SEMA6D: variants seen among roughly 807,000 people sequenced by gnomAD.
The protein encoded by SEMA6D is semaphorin 6D, also known as semaphorin-6D.
SEMA6D carries 35 observed loss-of-function variants against 106.6 expected under a neutral mutation model. The observed-to-expected ratio is 0.33, with a 90% CI of 0.25 to 0.44. The LOEUF (loss-of-function observed/expected upper bound fraction) is 0.44, where lower values mean the gene tolerates loss of function less well. Among genes scored for constraint, SEMA6D ranks in the 20% least tolerant of loss-of-function variants. The pLI is 1.00. For synonymous variants in SEMA6D, 499 were observed against 487.7 expected, an observed-to-expected ratio of 1.02 and a Z score of -0.31; for missense variants, 1,185 against 1,345.9, an observed-to-expected ratio of 0.88 and a Z score of 1.87.
At chr15:47,197,833 C>CT (rs1376679508) in intron 1 of SEMA6D, among the ~76,000 whole-genome samples, 1 of 152,108 alleles carries the variant, frequency 6.6e-6, no homozygotes, top group Non-Finnish European at 1.5e-5. Flanking sequence ...ATGGAGTACT[C>CT]TAAGTATTAT....
At chr15:47,675,793 A>AT (rs2078232170) in intron 4 of SEMA6D, among the ~76,000 whole-genome samples, 1 of 152,050 alleles carries the variant, frequency 6.6e-6, no homozygotes, top group South Asian at 2.1e-4. Flanking sequence ...TTCTGGGCTT[A>AT]TTTGCCCTCA....
intron 3 of SEMA6D, among the ~76,000 whole-genome samples, chr15:47,570,284 G>T (rs144812850): frequency 1.3e-5 from 2 of 152,252 alleles, no homozygotes; most frequent in African/African-American, 4.8e-5. Context: ...CATAAAGGCT[G>T]GTTCCAGGCT....
At chr15:47,433,721 T>C (rs2041612194) in intron 2 of SEMA6D, among the ~76,000 whole-genome samples, 1 of 152,164 alleles carries the variant, frequency 6.6e-6, no homozygotes, top group Admixed American at 6.6e-5. Context: ...GGGAGATACC[T>C]GATTTATAGA....
rs117138137 is a variant in SEMA6D, at chr15:47,564,675, C to T, written c.-86-36190C>T. On this transcript the variant is annotated intron_variant, in intron 3 of 19. Transcript: ENST00000558014. ...CAGAGGAATTCTAGGGAGAAAAGGG[C>T]GGGATCCCTGGTGAAACCCTTAAGC... Among the ~76,000 whole-genome samples, 49 of 152,210 alleles carry T rather than the reference C, an allele frequency of 3.2e-4. No homozygotes were observed. In the East Asian group the frequency reaches 8.1e-3, roughly 25 times the overall value.
At chr15:47,349,357 T>C (rs1256771265) in intron 1 of SEMA6D, among the ~76,000 whole-genome samples, 5 of 152,180 alleles carry the variant, frequency 3.3e-5, no homozygotes, top group Non-Finnish European at 7.3e-5. Context: ...AGAGGCACTT[T>C]TGTTTATTTG....
At chr15:47,619,629 G>T (rs946763653) in intron 4 of SEMA6D, among the ~76,000 whole-genome samples, 1 of 152,200 alleles carries the variant, frequency 6.6e-6, no homozygotes, top group African/African-American at 2.4e-5. Context: ...ATATGAATCA[G>T]CATCTTGGGG....
intron 3 of SEMA6D, among the ~76,000 whole-genome samples, chr15:47,597,771 A>G (rs1484382484): frequency 2.0e-5 from 3 of 151,496 alleles, no homozygotes; most frequent in Non-Finnish European, 4.4e-5. Context: ...TTGCAGTTAG[A>G]CAGCAGGAAC....
chr15:47,567,197 G>A (rs2046253820), intron 3 of SEMA6D, among the ~76,000 whole-genome samples: 1 of 152,104 alleles, frequency 6.6e-6, no homozygotes, highest in Admixed American at 6.5e-5. Context: ...CTGCATATTT[G>A]GTCTGCATTC....
At chr15:47,337,551 C>T (rs899801977) in intron 1 of SEMA6D, among the ~76,000 whole-genome samples, 39 of 152,078 alleles carry the variant, frequency 2.6e-4, no homozygotes, top group African/African-American at 8.9e-4. Context: ...TTTGGATGGC[C>T]GATCATCATT....
At chr15:47,526,453 G>T (rs968436379) in intron 3 of SEMA6D, among the ~76,000 whole-genome samples, 1 of 152,136 alleles carries the variant, frequency 6.6e-6, no homozygotes, top group South Asian at 2.1e-4. Flanking sequence ...GACTTGAGGG[G>T]CACTACTGGG....
At chr15:47,437,903 A>G (rs2041771448) in intron 2 of SEMA6D, among the ~76,000 whole-genome samples, 1 of 152,082 alleles carries the variant, frequency 6.6e-6, no homozygotes, top group Non-Finnish European at 1.5e-5. Context: ...CTTATTTGGT[A>G]CCTTGCTGCG....
intron 4 of SEMA6D, among the ~76,000 whole-genome samples, chr15:47,607,966 A>G (rs1489881261): frequency 6.6e-6 from 1 of 152,188 alleles, no homozygotes; most frequent in Admixed American, 6.5e-5. Flanking sequence ...TATCCCTTTC[A>G]AAGCTTTTTG....
chr15:47,431,187 A>G (rs1018963069), intron 2 of SEMA6D, among the ~76,000 whole-genome samples: 31 of 152,170 alleles, frequency 2.0e-4, no homozygotes, highest in African/African-American at 7.0e-4. Context: ...TATGCAAGGT[A>G]TATAATAATG....
chr15:47,637,749 C>T (rs2077416271), intron 4 of SEMA6D, among the ~76,000 whole-genome samples: 1 of 152,130 alleles, frequency 6.6e-6, no homozygotes, highest in African/African-American at 2.4e-5. Context: ...ATAAAAGTGG[C>T]CTCTCTGCTA....
At position 47,206,456 on chromosome 15, in the gene SEMA6D, A is replaced by C. The variant is rs184035945; in HGVS notation, c.-239+22038A>C. Among the ~76,000 whole-genome samples the C allele has an allele frequency of 1.0e-3, 157 of 152,272 alleles. 1 individual carries two copies. Among genetic ancestry groups the C allele is most frequent in the African/African-American group, 3.7e-3 (154 of 41,552 alleles). On this transcript the variant is annotated intron_variant, in intron 1 of 19. Coordinates refer to the SEMA6D transcript ENST00000558014. The stretch of plus-strand genomic sequence containing the variant: ...CATTTACAGGTTCTGAGTAAGTTCA[A>C]AACTTTTTTATTCACCCCTTAGGCA...
chr15:47,729,317 C>T (rs953107124), intron 1 of SEMA6D, among the ~76,000 whole-genome samples: 1 of 152,010 alleles, frequency 6.6e-6, no homozygotes, highest in Non-Finnish European at 1.5e-5. Flanking sequence ...TACATGGAGT[C>T]GTTCATTTAT....
At chr15:47,242,884 T>A (rs1396219275) in intron 1 of SEMA6D, among the ~76,000 whole-genome samples, 1 of 152,148 alleles carries the variant, frequency 6.6e-6, no homozygotes, top group Non-Finnish European at 1.5e-5. Context: ...ATACCTACTA[T>A]GTAAACATTT....
chr15:47,575,282 T>C (rs1188436422), intron 3 of SEMA6D, among the ~76,000 whole-genome samples: 1 of 152,160 alleles, frequency 6.6e-6, no homozygotes, highest in African/African-American at 2.4e-5. Flanking sequence ...GAGGAAAATA[T>C]TCTAAAGTGG....
intron 4 of SEMA6D, among the ~76,000 whole-genome samples, chr15:47,604,540 A>T (rs2076735222): frequency 6.6e-6 from 1 of 152,240 alleles, no homozygotes. Flanking sequence ...ACTTTGTCAA[A>T]TTGAATTAAC....
Sources: allele counts gnomAD v4.1 joint callset (sites outside exome capture counted in the v4.1 genomes callset), GRCh38; gene constraint gnomAD v4.1.1; transcripts MANE v1.5; gene names NCBI Gene and HGNC (gene_info 2026-07-23, HGNC 2026-07-21).